MAP3K20: variants seen among roughly 807,000 people sequenced by gnomAD.
The protein encoded by MAP3K20 is HCCS-4.
MAP3K20 carries 40 observed loss-of-function variants against 85.7 expected under a neutral mutation model. The observed-to-expected ratio is 0.47, with a 90% CI of 0.36 to 0.61. The LOEUF is 0.61. Ranked by LOEUF, MAP3K20 falls within the 20% of genes least tolerant of loss-of-function variation. MAP3K20 has a pLI of 0.00. For synonymous variants in MAP3K20, 325 were observed against 327.7 expected (o/e 0.99, Z 0.09); for missense variants, 817 against 961.7 (o/e 0.85, Z 1.99).
At chr2:173,154,692 C>T (rs1689413425) in intron 2 of MAP3K20, among the ~76,000 whole-genome samples, 1 of 152,206 alleles carries the variant, frequency 6.6e-6, no homozygotes, top group African/African-American at 2.4e-5. Context: ...CTGATGCACT[C>T]TGCCATCCTT....
chr2:173,260,524 C>A (rs1426827681), intron 17 of MAP3K20, among the ~76,000 whole-genome samples: 1 of 149,388 alleles, frequency 6.7e-6, no homozygotes, highest in Non-Finnish European at 1.5e-5. Context: ...AAAATAGGAT[C>A]AAAGCTACAG....
chr2:173,160,922 C>T (rs563694990), intron 2 of MAP3K20, among the ~76,000 whole-genome samples: 5 of 152,248 alleles, frequency 3.3e-5, no homozygotes, highest in South Asian at 2.1e-4. Flanking sequence ...AAGCACCTAC[C>T]GTAGCTTTCA....
chr2:173,145,755 T>C (rs1311046952), intron 2 of MAP3K20, among the ~76,000 whole-genome samples: 3 of 152,144 alleles, frequency 2.0e-5, no homozygotes, highest in Admixed American at 6.5e-5. Context: ...ATTCAACTTA[T>C]AGGTGTTTAC....
chr2:173,215,333 C>G (rs1037862910), intron 10 of MAP3K20, among the ~76,000 whole-genome samples: 6 of 152,178 alleles, frequency 3.9e-5, no homozygotes, highest in African/African-American at 7.2e-5. Context: ...ATGGCTCACT[C>G]TTTTCTTTTT....
At chr2:173,223,559 G>A (rs1684307307) in intron 11 of MAP3K20, 27 of 985,340 alleles carry the variant, frequency 2.7e-5, no homozygotes, top group Non-Finnish European at 3.3e-5. Flanking sequence ...AATTAAAAGT[G>A]GATAGCTTTC....
At chr2:173,153,589 A>G (rs1219924825) in intron 2 of MAP3K20, among the ~76,000 whole-genome samples, 1 of 152,236 alleles carries the variant, frequency 6.6e-6, no homozygotes, top group Non-Finnish European at 1.5e-5. Flanking sequence ...TTTAAGTTCT[A>G]ACTTATGGGA....
chr2:173,173,671 C>T (rs910048043), intron 3 of MAP3K20, among the ~76,000 whole-genome samples: 5 of 152,122 alleles, frequency 3.3e-5, no homozygotes, highest in African/African-American at 1.2e-4. Flanking sequence ...CAATTAGAGA[C>T]AAGTGTCACA....
chr2:173,125,386 G>A (rs184504074), intron 2 of MAP3K20, among the ~76,000 whole-genome samples: 2 of 152,142 alleles, frequency 1.3e-5, no homozygotes, highest in African/African-American at 4.8e-5. Flanking sequence ...TGGTGAGCAG[G>A]CTCATCACAG....
chr2:173,116,041 G>A (rs1688114666), intron 2 of MAP3K20, among the ~76,000 whole-genome samples: 1 of 151,836 alleles, frequency 6.6e-6, no homozygotes, highest in Non-Finnish European at 1.5e-5. Flanking sequence ...GTAGAGAAAG[G>A]GTTTTGCCAT....
chr2:173,229,118 G>A (rs1221556241), intron 11 of MAP3K20, among the ~76,000 whole-genome samples: 2 of 152,212 alleles, frequency 1.3e-5, no homozygotes, highest in African/African-American at 4.8e-5. Flanking sequence ...CTCACAGGGA[G>A]GTATTTTAAT....
At chr2:173,243,986 C>T (rs1021304728) in intron 16 of MAP3K20, among the ~76,000 whole-genome samples, 6 of 152,096 alleles carry the variant, frequency 3.9e-5, no homozygotes, top group Non-Finnish European at 7.4e-5. Flanking sequence ...GGAAAGGGGC[C>T]GCCAGGCTAG....
chr2:173,226,184 A>AT (rs1361629775), intron 11 of MAP3K20: 1 of 258,030 alleles, frequency 3.9e-6, no homozygotes, highest in Non-Finnish European at 5.8e-6. Context: ...AAATCAAGGA[A>AT]TTAGGGGTCG....
chr2:173,216,062 G>A (rs1280439753), intron 10 of MAP3K20, among the ~76,000 whole-genome samples: 1 of 152,112 alleles, frequency 6.6e-6, no homozygotes, highest in Non-Finnish European at 1.5e-5. Context: ...CTCTAGCCTT[G>A]ACTTCCCTCT....
chr2:173,221,395 C>T, intron 11 of MAP3K20: 2 of 1,613,982 alleles, frequency 1.2e-6, no homozygotes, highest in Non-Finnish European at 1.7e-6. Context: ...AGAATTCTTC[C>T]AAAACCACAT....
intron 16 of MAP3K20, among the ~76,000 whole-genome samples, chr2:173,252,144 C>CCCATTTCTTCA (rs1685054036): frequency 6.6e-6 from 1 of 152,092 alleles, no homozygotes; most frequent in South Asian, 2.1e-4. Context: ...TCTTCATTCC[C>CCCATTTCTTCA]TTTTTTCTTC....
At chr2:173,085,468 T>C (rs1256331368) in intron 1 of MAP3K20, among the ~76,000 whole-genome samples, 2 of 152,238 alleles carry the variant, frequency 1.3e-5, no homozygotes, top group Admixed American at 1.3e-4. Context: ...TTCAGCAATT[T>C]GGTTAATAGT....
intron 17 of MAP3K20, 113 bp downstream of exon 17, chr2:173,258,928 G>C (rs1280442078): frequency 1.7e-6 from 1 of 585,634 alleles, no homozygotes; most frequent in Non-Finnish European, 3.0e-6. Flanking sequence ...CATCAGCTCA[G>C]CCTCGAGCTG....
chr2:173,227,456 C>T (rs1361089119), intron 11 of MAP3K20, among the ~76,000 whole-genome samples: 4 of 152,144 alleles, frequency 2.6e-5, no homozygotes, highest in African/African-American at 7.2e-5. Flanking sequence ...TCTTATCCCC[C>T]GTCTTGCCAA....
At chr2:173,239,298 A>C (rs1684725402) in intron 15 of MAP3K20, 106 bp from the exon 16 acceptor site, 2 of 827,376 alleles carry the variant, frequency 2.4e-6, no homozygotes, top group Non-Finnish European at 3.6e-6. Context: ...AAAAGTTAAT[A>C]GATTAGAATA....
Sources: allele counts gnomAD v4.1 joint callset (sites outside exome capture counted in the v4.1 genomes callset), GRCh38; gene constraint gnomAD v4.1.1; transcripts MANE v1.5; gene names NCBI Gene and HGNC (gene_info 2026-07-23, HGNC 2026-07-21).